SATB1: variants seen among roughly 807,000 people sequenced by gnomAD.
The protein encoded by SATB1 is DNA-binding protein SATB1.
A neutral mutation model predicts 86.9 loss-of-function variants in SATB1; 11 were observed. The ratio of observed to expected loss-of-function variants is 0.13; its 90% CI spans 0.08 to 0.21. The LOEUF (loss-of-function observed/expected upper bound fraction) is 0.21. Among genes scored for constraint, SATB1 ranks in the 10% least tolerant of loss-of-function variants. The pLI, the probability that SATB1 is intolerant of heterozygous loss-of-function variation, is 1.00. For missense variants in SATB1, 551 were observed against 937.6 expected (o/e 0.59, Z 5.39); for synonymous variants, 357 against 357.2 (o/e 1.00, Z 0.01).
rs1001449390 is a variant in SATB1, at chr3:18,444,710, C to T, written c.-25+808G>A. 8.4e-6 allele frequency: 8 copies of T among 956,970 alleles called. No individual in the cohort carries two copies. The African/African-American group carries it at 1.1e-4, about 13-fold the overall frequency. The allele number at this position is 956,970 out of a possible 1,614,324, so 59.3% of individuals were successfully genotyped here. On this transcript the variant is annotated intron_variant, in intron 1 of 3. Transcript: ENST00000415069. This position sits in a 1 kb window ranked among gnomAD's most constrained non-coding sequence, Gnocchi z 5.1. The stretch of plus-strand genomic sequence containing the variant: ...CGGCGTCGGACTTCCGAGGCGGCGG[C>T]TTCTGCCTCTCCTGCCGCCGCCGCC...
chr3:18,417,266 C>T (rs547065215), intron 2 of SATB1, 188 bp from the exon 3 acceptor site: 238 of 588,376 alleles, frequency 4.0e-4, no homozygotes, highest in African/African-American at 4.0e-3. Context: ...TATTTAAAGT[C>T]GTAACAGAAA....
intron 9 of SATB1, among the ~76,000 whole-genome samples, chr3:18,359,960 T>C (rs1043206335): frequency 7.9e-5 from 12 of 152,080 alleles, no homozygotes; most frequent in African/African-American, 2.7e-4. Context: ...TGAATTACTA[T>C]GTTAGACAAC....
intron 9 of SATB1, among the ~76,000 whole-genome samples, chr3:18,358,879 A>T (rs1332600077): frequency 6.6e-6 from 1 of 151,984 alleles, no homozygotes; most frequent in Non-Finnish European, 1.5e-5. Flanking sequence ...GTGCGTTCCA[A>T]TACTGGGGTA....
At chr3:18,373,074 G>C (rs1186686635) in intron 9 of SATB1, among the ~76,000 whole-genome samples, 1 of 152,286 alleles carries the variant, frequency 6.6e-6, no homozygotes, top group Non-Finnish European at 1.5e-5. Flanking sequence ...GTGGGTCCCA[G>C]GGAGACAGAA....
chr3:18,445,356 T>TG, intron 1 of SATB1: 1 of 782,152 alleles, frequency 1.3e-6, no homozygotes, highest in Non-Finnish European at 1.5e-6. Context: ...GGCCGGGGTG[T>TG]GGGGGGCGGC....
At chr3:18,367,280 C>A (rs1695233416) in intron 9 of SATB1, among the ~76,000 whole-genome samples, 1 of 152,152 alleles carries the variant, frequency 6.6e-6, no homozygotes, top group Non-Finnish European at 1.5e-5. Context: ...GCCATGCCCT[C>A]TAGTTCCTTT....
rs771269224 is a variant in SATB1 at position 18,349,586 on chromosome 3, G to T, written c.1876C>A (p.Pro626Thr). The T allele has an allele frequency of 8.1e-6, 13 of 1,613,584 alleles. No homozygotes were observed. The Admixed American group carries it at 1.7e-4, about 21-fold the overall frequency. The stretch of plus-strand genomic sequence containing the variant: ...GGAGAGGCCACCGTGGGTTGCCGTG[G>T]GGGGAGCCGAGGGCCTGTCTGTGGC... ...QQPQTGPRLP[P>T]RQPTVASPAE... Residue 626 changes from proline (P) to threonine (T), a missense_variant, in exon 11 of 11, where the codon CCA becomes ACA. Pro to Thr is a conservative substitution (Grantham distance 38). This residue lies in a region of SATB1 where 87 missense variants were observed against 103.6 expected (regional missense o/e 0.84). Coordinates refer to ENST00000338745, the MANE Select transcript of SATB1 (RefSeq NM_002971.6). This position sits in a 1 kb window ranked among gnomAD's most constrained non-coding sequence, Gnocchi z 5.5.
intron 5 of SATB1, among the ~76,000 whole-genome samples, chr3:18,398,698 CT>C (rs1157541368): frequency 6.6e-6 from 1 of 152,110 alleles, no homozygotes; most frequent in African/African-American, 2.4e-5. Flanking sequence ...TAAAACACAG[CT>C]ATCTTTCCTA....
chr3:18,413,086 G>A (rs1404640828), intron 5 of SATB1, among the ~76,000 whole-genome samples: 1 of 151,894 alleles, frequency 6.6e-6, no homozygotes, highest in Non-Finnish European at 1.5e-5. Flanking sequence ...ATTACAGTGA[G>A]GTATCCAGCC....
chr3:18,413,704 G>A lies in SATB1; in HGVS notation c.639+1407C>T, dbSNP rs191924114. ...AGAGAGGGAAGACAGGAGATTAGCT[G>A]TAGGTATAACTGAAATGACAAATAA... On this transcript the variant is annotated intron_variant, in intron 5 of 10. Transcript: ENST00000338745. 7.3e-3 allele frequency among the ~76,000 whole-genome samples: 1,116 copies of A among 152,174 alleles called. 12 individuals are homozygous for A. The highest frequency in any genetic ancestry group is 0.037 in the South Asian group (180 of 4,822).
rs769341596 is a variant in SATB1, at chr3:18,348,860, CT to C, written c.*309del. On this transcript the variant is annotated 3_prime_UTR_variant, in exon 11 of 11. Coordinates refer to ENST00000338745, the MANE Select transcript of SATB1 (RefSeq NM_002971.6). ...CTTGTTTGAGGCTCCGGAATAAGAACTAAAAAAAAAACAAAAAACACTGGTT... is the reference window on the plus strand; with the variant it reads ...CTTGTTTGAGGCTCCGGAATAAGAACAAAAAAAAAACAAAAAACACTGGTT... The C allele has an allele frequency of 2.2e-4, 67 of 307,046 alleles. No homozygotes were observed. Among genetic ancestry groups the C allele is most frequent in the Non-Finnish European group, 3.8e-4 (64 of 168,014 alleles). The allele number at this position is 307,046 out of a possible 1,614,324, so 19.0% of individuals were successfully genotyped here. A position where few individuals can be genotyped will look rare whatever the true frequency, so the allele number is the denominator to read the frequency against.
intron 2 of SATB1, among the ~76,000 whole-genome samples, chr3:18,436,413 A>G (rs1044137161): frequency 7.9e-5 from 12 of 151,726 alleles, no homozygotes; most frequent in Non-Finnish European, 1.6e-4. Context: ...GTTTGTTACC[A>G]CAACCAAACA....
chr3:18,387,461 A>C (rs925482121), intron 7 of SATB1, among the ~76,000 whole-genome samples: 1 of 152,200 alleles, frequency 6.6e-6, no homozygotes, highest in Non-Finnish European at 1.5e-5. Context: ...GAAAACTCTT[A>C]AGGTGTCTTT....
At chr3:18,437,168 AG>A (rs1699093246) in intron 1 of SATB1, among the ~76,000 whole-genome samples, 1 of 152,186 alleles carries the variant, frequency 6.6e-6, no homozygotes, top group Non-Finnish European at 1.5e-5. Context: ...AAGTATTAAG[AG>A]GAGCAAAATC....
At chr3:18,360,103 G>T (rs376378606) in intron 9 of SATB1, among the ~76,000 whole-genome samples, 10 of 152,080 alleles carry the variant, frequency 6.6e-5, no homozygotes, top group East Asian at 1.9e-4. Context: ...TTTTCAAGAA[G>T]AATAGAGAAC....
chr3:18,428,619 G>C (rs1698788258), upstream of SATB1, among the ~76,000 whole-genome samples: 1 of 152,148 alleles, frequency 6.6e-6, no homozygotes, highest in Non-Finnish European at 1.5e-5. Flanking sequence ...AACTTTATAA[G>C]TCTGGCCATC....
intron 9 of SATB1, 104 bp downstream of exon 9, chr3:18,378,066 G>T: frequency 1.1e-6 from 1 of 909,916 alleles, no homozygotes; most frequent in Non-Finnish European, 1.6e-6. Context: ...AGACACAGAG[G>T]CCTCTCCGTG....
intron 9 of SATB1, among the ~76,000 whole-genome samples, chr3:18,359,794 T>C (rs1049836696): frequency 7.2e-5 from 11 of 151,888 alleles, no homozygotes; most frequent in African/African-American, 2.7e-4. Context: ...TCATTCTTCA[T>C]AGCTGGTATC....
At chr3:18,353,497 G>A (rs555816751) in intron 9 of SATB1, among the ~76,000 whole-genome samples, 60 of 151,930 alleles carry the variant, frequency 3.9e-4, no homozygotes, top group African/African-American at 1.3e-3. Context: ...GACATTTCTC[G>A]GAAATTTTAA....
Sources: gnomAD v4.1 joint callset for allele counts (sites outside exome capture counted in the v4.1 genomes callset) on GRCh38, gnomAD v4.1.1 for gene constraint, gnomAD v4.1.1 regional missense constraint, Gnocchi (gnomAD v3.1) non-coding constraint, MANE v1.5 for transcripts, NCBI Gene and HGNC (gene_info 2026-07-23, HGNC 2026-07-21) for gene names.